MTA3: variants seen among roughly 807,000 people sequenced by gnomAD.
MTA3 encodes metastasis associated 1 family member 3.
In MTA3, 34 loss-of-function variants were observed where a neutral mutation model predicts 83.5. The ratio of observed to expected loss-of-function variants is 0.41; its 90% confidence interval spans 0.31 to 0.54. The LOEUF (loss-of-function observed/expected upper bound fraction) is 0.54. Among genes scored for constraint, MTA3 ranks in the 20% least tolerant of loss-of-function variants. The probability of loss-of-function intolerance (pLI) is 0.33; values close to 1 mark genes in which losing one functional copy is unlikely to be tolerated. For missense variants in MTA3, 761 were observed against 726.4 expected (o/e 1.05, Z -0.55); for synonymous variants, 303 against 252.7 (o/e 1.20, Z -1.89).
chr2:42,679,651 C>G (rs1250598278), intron 8 of MTA3, among the ~76,000 whole-genome samples: 2 of 152,214 alleles, frequency 1.3e-5, no homozygotes, highest in Admixed American at 1.3e-4. Flanking sequence ...ACAGATCTCT[C>G]CAGCTGCCTA....
intron 8 of MTA3, among the ~76,000 whole-genome samples, chr2:42,662,781 G>A (rs1689848325): frequency 6.7e-6 from 1 of 150,258 alleles, no homozygotes; most frequent in Non-Finnish European, 1.5e-5. Flanking sequence ...GCCCAGGCTG[G>A]AGTGCAGTGG....
intron 2 of MTA3, among the ~76,000 whole-genome samples, chr2:42,547,875 G>A (rs1381513395): frequency 6.6e-6 from 1 of 150,836 alleles, no homozygotes; most frequent in East Asian, 1.9e-4. Context: ...CTTAGCTATT[G>A]TTACAGGTGC....
chr2:42,727,994 G>T (rs1400557618), intron 16 of MTA3, among the ~76,000 whole-genome samples: 2 of 151,748 alleles, frequency 1.3e-5, no homozygotes, highest in Non-Finnish European at 2.9e-5. Context: ...TAACATGTAC[G>T]ATAAATTATT....
chr2:42,631,712 C>T (rs550594767), intron 4 of MTA3, among the ~76,000 whole-genome samples: 14 of 152,250 alleles, frequency 9.2e-5, no homozygotes, highest in Admixed American at 2.0e-4. Flanking sequence ...TTTTTTGAGA[C>T]GGAGTCTCCC....
chr2:42,614,442 A>G (rs972870486), intron 4 of MTA3, among the ~76,000 whole-genome samples: 15 of 152,220 alleles, frequency 9.9e-5, no homozygotes, highest in African/African-American at 3.6e-4. Context: ...TTAAATTTGT[A>G]TCATCTGACT....
chr2:42,612,231 A>AT (rs1311436699), intron 4 of MTA3, among the ~76,000 whole-genome samples: 1 of 152,140 alleles, frequency 6.6e-6, no homozygotes, highest in Non-Finnish European at 1.5e-5. Flanking sequence ...TTATCGATTG[A>AT]CTGTGCGGGA....
intron 12 of MTA3, among the ~76,000 whole-genome samples, chr2:42,705,358 A>G (rs1000802028): frequency 2.0e-5 from 3 of 152,208 alleles, no homozygotes; most frequent in African/African-American, 7.2e-5. Flanking sequence ...GTATATTCAA[A>G]TGAAAATGAA....
At chr2:42,749,185 C>T (rs1297208282) in intron 16 of MTA3, among the ~76,000 whole-genome samples, 2 of 152,178 alleles carry the variant, frequency 1.3e-5, no homozygotes, top group Admixed American at 1.3e-4. Context: ...TTCTGTGTCT[C>T]CTTCCTCTGC....
chr2:42,502,637 AAAAATAC>A (rs1205414957), intron 2 of MTA3, among the ~76,000 whole-genome samples: 4 of 152,034 alleles, frequency 2.6e-5, no homozygotes, highest in Admixed American at 6.6e-5. Context: ...CGTCTCTACT[AAAAATAC>A]AAAATTAGCC....
intron 4 of MTA3, among the ~76,000 whole-genome samples, chr2:42,611,921 T>G (rs1369613050): frequency 6.6e-6 from 1 of 152,188 alleles, no homozygotes; most frequent in Non-Finnish European, 1.5e-5. Flanking sequence ...CTTGCCTCAG[T>G]CTCCTGAATG....
intron 3 of MTA3, among the ~76,000 whole-genome samples, chr2:42,605,110 G>A (rs1331031124): frequency 4.6e-5 from 7 of 150,796 alleles, no homozygotes; most frequent in African/African-American, 7.3e-5. Context: ...ACACCTCCCA[G>A]ATGGGGTGGT....
intron 2 of MTA3, among the ~76,000 whole-genome samples, chr2:42,516,845 C>T (rs1675167126): frequency 1.3e-5 from 2 of 152,204 alleles, no homozygotes; most frequent in Non-Finnish European, 1.5e-5. Context: ...GCAGTATCTG[C>T]CAGCTGTGGC....
intron 3 of MTA3, among the ~76,000 whole-genome samples, chr2:42,585,276 C>A (rs546066247): frequency 6.6e-6 from 1 of 151,586 alleles, no homozygotes; most frequent in Admixed American, 6.6e-5. Flanking sequence ...TTAGTAGAGA[C>A]GGGGTTTCTC....
At chr2:42,520,218 A>G (rs1675356447) in intron 2 of MTA3, among the ~76,000 whole-genome samples, 1 of 152,128 alleles carries the variant, frequency 6.6e-6, no homozygotes, top group Non-Finnish European at 1.5e-5. Flanking sequence ...CCTCTGTGCT[A>G]CAGTCTAAGT....
intron 5 of MTA3, among the ~76,000 whole-genome samples, chr2:42,642,163 A>G (rs1687755176): frequency 6.6e-6 from 1 of 152,116 alleles, no homozygotes; most frequent in Non-Finnish European, 1.5e-5. Flanking sequence ...CTTTTTTACA[A>G]CTTCTATTAT....
chr2:42,585,482 T>G (rs1218159315), intron 3 of MTA3, among the ~76,000 whole-genome samples: 1 of 148,656 alleles, frequency 6.7e-6, no homozygotes, highest in Non-Finnish European at 1.5e-5. Context: ...TTTTCTTTTT[T>G]TTTTTTTTTT....
chr2:42,688,658 T>C (rs1692613251), intron 9 of MTA3, among the ~76,000 whole-genome samples: 1 of 151,798 alleles, frequency 6.6e-6, no homozygotes, highest in African/African-American at 2.4e-5. Context: ...TCTGCAGCTT[T>C]TATATATCCT....
At chr2:42,607,071 G>C (rs1003304766) in intron 3 of MTA3, among the ~76,000 whole-genome samples, 4 of 94,886 alleles carry the variant, frequency 4.2e-5, no homozygotes, top group Non-Finnish European at 8.2e-5. Flanking sequence ...TAGAGGTAGG[G>C]GTAGGGGTAG....
chr2:42,545,025 G>A (rs549443456), intron 2 of MTA3, among the ~76,000 whole-genome samples: 44 of 152,162 alleles, frequency 2.9e-4, no homozygotes, highest in Non-Finnish European at 5.3e-4. Flanking sequence ...GTGGCCTCCA[G>A]CATTCCAAGT....
Sources: gnomAD v4.1 joint callset for allele counts (sites outside exome capture counted in the v4.1 genomes callset) on GRCh38, gnomAD v4.1.1 for gene constraint, MANE v1.5 for transcripts, NCBI Gene and HGNC (gene_info 2026-07-23, HGNC 2026-07-21) for gene names.